The following SH3RF3 variants were observed in gnomAD, a reference collection of about 807,000 sequenced individuals.
The protein encoded by SH3RF3 is SH3 domain containing ring finger 3.
A neutral mutation model predicts 66.3 loss-of-function variants in SH3RF3; 29 were observed. That is an observed-to-expected ratio of 0.44 (90% confidence interval 0.33 to 0.60). SH3RF3 has a LOEUF of 0.60. Among genes scored for constraint, SH3RF3 ranks in the 20% least tolerant of loss-of-function variants. SH3RF3 has a pLI of 0.04. For missense variants in SH3RF3, 1,194 were observed against 1,190.9 expected, an observed-to-expected ratio of 1.00 and a Z score of -0.04; for synonymous variants, 583 against 532.0, an observed-to-expected ratio of 1.10 and a Z score of -1.32.
chr2:109,403,007 G>T (rs2104455600), intron 4 of SH3RF3, among the ~76,000 whole-genome samples: 1 of 152,304 alleles, frequency 6.6e-6, no homozygotes, highest in Non-Finnish European at 1.5e-5. Flanking sequence ...AGGGTGGGTG[G>T]GGGGATGTGG....
chr2:109,376,617 G>T (rs1481814037), intron 3 of SH3RF3, among the ~76,000 whole-genome samples: 2 of 152,262 alleles, frequency 1.3e-5, no homozygotes, highest in Non-Finnish European at 2.9e-5. Flanking sequence ...TCCAGGTAGA[G>T]TAATGGGGAG....
At chr2:109,249,910 T>A (rs1680044617) in intron 1 of SH3RF3, among the ~76,000 whole-genome samples, 4 of 151,538 alleles carry the variant, frequency 2.6e-5, no homozygotes, top group Admixed American at 2.6e-4. Flanking sequence ...GGTCTCGATC[T>A]CCTGACCTCA....
chr2:109,147,208 C>G (rs189846128), intron 1 of SH3RF3, among the ~76,000 whole-genome samples: 1 of 152,132 alleles, frequency 6.6e-6, no homozygotes, highest in Admixed American at 6.5e-5. Context: ...GATGCCTGGA[C>G]TTTCTTGGAA....
At chr2:109,192,743 G>C (rs897332060) in intron 1 of SH3RF3, among the ~76,000 whole-genome samples, 2 of 152,174 alleles carry the variant, frequency 1.3e-5, no homozygotes, top group African/African-American at 2.4e-5. Context: ...AGTCCCTGGG[G>C]CTTCCAGTGC....
chr2:109,330,156 G>C (rs1682251035), intron 1 of SH3RF3, among the ~76,000 whole-genome samples: 1 of 152,214 alleles, frequency 6.6e-6, no homozygotes, highest in Non-Finnish European at 1.5e-5. Context: ...GAGATACTTA[G>C]AGGGAACATG....
At chr2:109,466,272 G>A (rs1267790582) in intron 8 of SH3RF3, among the ~76,000 whole-genome samples, 1 of 151,878 alleles carries the variant, frequency 6.6e-6, no homozygotes, top group African/African-American at 2.4e-5. Context: ...TAGTAGAGAC[G>A]GGGTTTCACT....
intron 1 of SH3RF3, among the ~76,000 whole-genome samples, chr2:109,276,654 A>T (rs957906130): frequency 3.9e-5 from 6 of 152,204 alleles, no homozygotes; most frequent in African/African-American, 1.4e-4. Context: ...GACAAATCTG[A>T]ACTGTTACCA....
chr2:109,362,582 A>C (rs1423279174), intron 2 of SH3RF3, among the ~76,000 whole-genome samples: 1 of 152,180 alleles, frequency 6.6e-6, no homozygotes, highest in East Asian at 1.9e-4. Context: ...TGTATCCAGT[A>C]GATTGATGGT....
At chr2:109,429,458 AT>A (rs1358960046) in intron 5 of SH3RF3, among the ~76,000 whole-genome samples, 1 of 152,168 alleles carries the variant, frequency 6.6e-6, no homozygotes, top group Non-Finnish European at 1.5e-5. Flanking sequence ...CGAACTTAAA[AT>A]TTAAGATGAA....
chr2:109,415,760 A>G (rs1676707567), intron 4 of SH3RF3, among the ~76,000 whole-genome samples: 1 of 152,118 alleles, frequency 6.6e-6, no homozygotes, highest in South Asian at 2.1e-4. Context: ...CTCCCACCTT[A>G]GCCAGCCTGG....
intron 1 of SH3RF3, among the ~76,000 whole-genome samples, chr2:109,242,682 ACAGT>A (rs1679815294): frequency 6.6e-6 from 1 of 152,134 alleles, no homozygotes. Flanking sequence ...GCTTGGCCAG[ACAGT>A]CAGGACACAT....
At chr2:109,190,375 T>C (rs1222033115) in intron 1 of SH3RF3, among the ~76,000 whole-genome samples, 1 of 152,236 alleles carries the variant, frequency 6.6e-6, no homozygotes, top group Non-Finnish European at 1.5e-5. Flanking sequence ...GGTTTCGCCA[T>C]GTTGGCCAGG....
chr2:109,198,559 A>G (rs1384033389), intron 1 of SH3RF3, among the ~76,000 whole-genome samples: 2 of 152,160 alleles, frequency 1.3e-5, no homozygotes, highest in Admixed American at 6.5e-5. Flanking sequence ...TTTGTTTCTC[A>G]TAGTCCTGGA....
rs1678836497 is a variant in SH3RF3, at chr2:109,481,617, C to G, written c.2149-8988C>G. Among the ~76,000 whole-genome samples, 3 of 152,224 alleles carry G rather than the reference C, an allele frequency of 2.0e-5. No individual in the cohort carries two copies. The South Asian group carries it at 6.2e-4, about 32-fold the overall frequency. On this transcript the variant is annotated intron_variant, in intron 8 of 9. Transcript: ENST00000309415. Reference sequence around the variant, plus strand: ...TAAACGTGCGCTTCATCCCTCCACTCAGGCTGTGCTAATAGGAAACCAAAG... The same window carrying G: ...TAAACGTGCGCTTCATCCCTCCACTGAGGCTGTGCTAATAGGAAACCAAAG...
At chr2:109,393,983 G>A (rs778233121) in intron 3 of SH3RF3, among the ~76,000 whole-genome samples, 2 of 152,036 alleles carry the variant, frequency 1.3e-5, no homozygotes, top group Non-Finnish European at 2.9e-5. Context: ...AGGGCTGGCC[G>A]CACCTCCCCA....
chr2:109,496,433 C>G (rs149255540), intron 9 of SH3RF3, among the ~76,000 whole-genome samples: 56 of 152,314 alleles, frequency 3.7e-4, no homozygotes, highest in African/African-American at 1.3e-3. Flanking sequence ...GAAAAGTTCT[C>G]CAAGTCCCCA....
In SH3RF3 at chr2:109,447,872, G is replaced by A. The variant is rs1343886354; in HGVS notation, c.1829-1298G>A. 7.9e-5 allele frequency among the ~76,000 whole-genome samples: 12 copies of A among 152,352 alleles called. No individual in the cohort carries two copies. In the South Asian group the frequency reaches 2.3e-3, roughly 29 times the overall value. On this transcript the variant is annotated intron_variant, in intron 7 of 9. Coordinates refer to ENST00000309415, the MANE Select transcript of SH3RF3 (RefSeq NM_001099289.3). ...AAGAATTGTTTTTGCTGGCAGCAAGGTGGTGGATCCACAGTTGTAAGGTTC... is the reference window on the plus strand; with the variant it reads ...AAGAATTGTTTTTGCTGGCAGCAAGATGGTGGATCCACAGTTGTAAGGTTC...
chr2:109,358,866 G>A (rs1034784950), intron 2 of SH3RF3, among the ~76,000 whole-genome samples: 2 of 152,100 alleles, frequency 1.3e-5, no homozygotes, highest in Non-Finnish European at 2.9e-5. Context: ...CCAAACCCAA[G>A]ATCATCTAGA....
At chr2:109,492,943 C>G (rs937555707) in intron 9 of SH3RF3, among the ~76,000 whole-genome samples, 1 of 152,160 alleles carries the variant, frequency 6.6e-6, no homozygotes, top group Non-Finnish European at 1.5e-5. Context: ...AAGTGCCTTC[C>G]CCTCTACAGG....
Sources: gnomAD v4.1 joint callset for allele counts (sites outside exome capture counted in the v4.1 genomes callset) on GRCh38, gnomAD v4.1.1 for gene constraint, MANE v1.5 for transcripts, NCBI Gene and HGNC (gene_info 2026-07-23, HGNC 2026-07-21) for gene names.